Variants in JADE3 observed in about 807,000 individuals in gnomAD.
JADE3 encodes the protein protein Jade-3.
JADE3 carries 2 observed loss-of-function variants against 50.1 expected under a neutral mutation model. The ratio of observed to expected loss-of-function variants is 0.04; its 90% CI spans 0.02 to 0.13. JADE3 has a LOEUF of 0.13. JADE3 is among the 10% of genes least tolerant of loss of function. JADE3 has a pLI of 1.00. For synonymous variants in JADE3, 218 were observed against 232.9 expected (o/e 0.94, Z 0.58); for missense variants, 475 against 634.4 (o/e 0.75, Z 2.70).
chrX:47,022,662 C>CATACGTGT (rs1407573131), intron 4 of JADE3, among the ~76,000 whole-genome samples: 1 of 111,832 alleles, frequency 8.9e-6, no homozygotes, highest in African/African-American at 3.3e-5. Flanking sequence ...TTTATGATGA[C>CATACGTGT]ATACGTGTGT....
intron 1 of JADE3, 51 bp from the exon 2 acceptor site, chrX:46,984,833 C>G (rs1927828850): frequency 1.0e-6 from 1 of 984,338 alleles, no homozygotes; most frequent in Non-Finnish European, 1.4e-6. Flanking sequence ...TGACTGCCCT[C>G]TGGGATGGGT....
chrX:46,954,576 A>T (rs1556345958), intron 1 of JADE3, among the ~76,000 whole-genome samples: 1 of 110,583 alleles, frequency 9.0e-6, no homozygotes, highest in Non-Finnish European at 1.9e-5. Flanking sequence ...ATTTTTTGAG[A>T]TGGAGTCTCA....
At chrX:46,948,053 A>G (rs1351082801) in intron 1 of JADE3, among the ~76,000 whole-genome samples, 1 of 111,893 alleles carries the variant, frequency 8.9e-6, no homozygotes, top group Non-Finnish European at 1.9e-5. Context: ...TGAATTTGGC[A>G]TGTGGATAGA....
intron 5 of JADE3, 92 bp downstream of exon 5, chrX:47,025,006 C>T (rs996949380): frequency 4.6e-6 from 2 of 438,312 alleles, no homozygotes; most frequent in Non-Finnish European, 7.6e-6. Context: ...TTTTTGTTGC[C>T]TCCTTTCTTT....
intron 1 of JADE3, among the ~76,000 whole-genome samples, chrX:46,955,595 C>T (rs1185509961): frequency 3.6e-5 from 4 of 111,467 alleles, no homozygotes; most frequent in African/African-American, 9.8e-5. Flanking sequence ...CAGACTGTTG[C>T]ATTATCTTTT....
At chrX:47,044,233 A>G (rs1451448323) in intron 8 of JADE3, among the ~76,000 whole-genome samples, 1 of 109,248 alleles carries the variant, frequency 9.2e-6, no homozygotes, top group Non-Finnish European at 1.9e-5. Context: ...GACATGTAAT[A>G]ATCAAACTCC....
chrX:46,923,393 C>CTCTCTTTTTTTTTTTTTTTTTTTTTTTTT (rs1556338199), intron 1 of JADE3, among the ~76,000 whole-genome samples: 1 of 11,525 alleles, frequency 8.7e-5, no homozygotes, highest in Non-Finnish European at 2.0e-4. Context: ...CTCTCTCTCT[C>CTCTCTTTTTTTTTTTTTTTTTTTTTTTTT]TTTTTTTTTT....
At chrX:46,965,632 G>A (rs1377333768) in intron 1 of JADE3, among the ~76,000 whole-genome samples, 2 of 111,168 alleles carry the variant, frequency 1.8e-5, no homozygotes, top group African/African-American at 6.5e-5. Context: ...TGTTTGCTGA[G>A]CCTTATAAGA....
intron 4 of JADE3, among the ~76,000 whole-genome samples, chrX:47,005,153 A>G (rs183324945): frequency 8.9e-6 from 1 of 111,888 alleles, no homozygotes; most frequent in African/African-American, 3.3e-5. Flanking sequence ...ACAAACCAGC[A>G]AAAACAAAAA....
intron 1 of JADE3, among the ~76,000 whole-genome samples, chrX:46,982,149 TTTC>T (rs1456331694): frequency 3.6e-5 from 4 of 111,438 alleles, no homozygotes; most frequent in African/African-American, 1.3e-4. Flanking sequence ...TCTGAGGCTG[TTTC>T]TTCTTCTTTT....
At chrX:46,990,791 AT>A (rs1369153028) in intron 3 of JADE3, among the ~76,000 whole-genome samples, 1 of 110,466 alleles carries the variant, frequency 9.1e-6, no homozygotes, top group Non-Finnish European at 1.9e-5. Context: ...TACAATCATA[AT>A]TTAGAACATT....
At chrX:46,973,562 T>G (rs1229934765) in intron 1 of JADE3, among the ~76,000 whole-genome samples, 1 of 112,244 alleles carries the variant, frequency 8.9e-6, no homozygotes, top group Non-Finnish European at 1.9e-5. Context: ...ACTGGACTAC[T>G]GAGAAGTGGT....
At chrX:46,941,904 A>ATT (rs782732065) in intron 1 of JADE3, among the ~76,000 whole-genome samples, 4 of 92,320 alleles carry the variant, frequency 4.3e-5, no homozygotes, top group South Asian at 4.9e-4. Context: ...TGCCTGGCTA[A>ATT]TTTTTTTTTT....
chrX:47,054,445 G>A lies in JADE3; in HGVS notation c.1260G>A (p.Leu420=). The A allele has an allele frequency of 8.3e-7, 1 of 1,211,555 alleles. No individual in the cohort carries two copies. The stretch of plus-strand genomic sequence containing the variant: ...GAGTGGAAGATGTGGCCGCAGAGCT[G>A]GGTATGCCCACGCTAGCTGTGGACT... ...LVRVEDVAAE[L]GMPTLAVDFI... is the part of the protein sequence containing the mutation. Residue 420 remains leucine (L), a synonymous_variant, in exon 9 of 11, where the codon CTG becomes CTA. Transcript: ENST00000614628.
intron 1 of JADE3, 149 bp from the exon 2 acceptor site, chrX:46,984,735 T>C: frequency 2.1e-6 from 1 of 476,139 alleles, no homozygotes; most frequent in Non-Finnish European, 3.8e-6. Context: ...TCTGTCATTA[T>C]TCTAAGTCAT....
At chrX:47,003,097 G>A (rs375346857) in intron 4 of JADE3, among the ~76,000 whole-genome samples, 3 of 111,330 alleles carry the variant, frequency 2.7e-5, no homozygotes, top group South Asian at 7.5e-4. Context: ...TAATGTTATA[G>A]ATTACATTGA....
At chrX:47,007,213 C>T (rs905782121) in intron 4 of JADE3, among the ~76,000 whole-genome samples, 1 of 111,912 alleles carries the variant, frequency 8.9e-6, no homozygotes, top group African/African-American at 3.2e-5. Context: ...TGTCATGGTA[C>T]ATGTTCCATG....
intron 4 of JADE3, among the ~76,000 whole-genome samples, chrX:47,019,923 C>T (rs1556363966): frequency 8.9e-6 from 1 of 112,566 alleles, no homozygotes; most frequent in Non-Finnish European, 1.9e-5. Flanking sequence ...TTACAACATT[C>T]ATTTACATGC....
In JADE3 at chrX:46,928,274, C is replaced by T. The variant is rs550905287; in HGVS notation, c.-12+15555C>T. Among the ~76,000 whole-genome samples the T allele has an allele frequency of 1.7e-3, 185 of 111,967 alleles. 1 individual carries two copies. Among genetic ancestry groups the T allele is most frequent in the Middle Eastern group, 4.6e-3 (1 of 217 alleles). Reference sequence around the variant, plus strand: ...CAAATTCCTGTAAATTCTATCTCAGCGAGAGATTTTCCACTATCCCCAACT... The same window carrying T: ...CAAATTCCTGTAAATTCTATCTCAGTGAGAGATTTTCCACTATCCCCAACT... On this transcript the variant is annotated intron_variant, in intron 1 of 10. Coordinates refer to ENST00000614628, the MANE Select transcript of JADE3 (RefSeq NM_014735.5).
Sources: gnomAD v4.1 joint callset for allele counts (sites outside exome capture counted in the v4.1 genomes callset) on GRCh38, gnomAD v4.1.1 for gene constraint, MANE v1.5 for transcripts, NCBI Gene and HGNC (gene_info 2026-07-23, HGNC 2026-07-21) for gene names.